Variants in MED14 observed in about 807,000 individuals in gnomAD.
The protein encoded by MED14 is mediator complex subunit 14, also known as mediator of RNA polymerase II transcription subunit 14.
In MED14, 8 loss-of-function variants were observed where a neutral mutation model predicts 109.0. The observed-to-expected ratio is 0.07, with a 90% CI of 0.04 to 0.13. The LOEUF (loss-of-function observed/expected upper bound fraction) is 0.13. Ranked by LOEUF, MED14 falls within the 10% of genes least tolerant of loss-of-function variation. MED14 has a pLI of 1.00. For missense variants in MED14, 711 were observed against 1,142.4 expected, an observed-to-expected ratio of 0.62 and a Z score of 5.44; for synonymous variants, 399 against 408.7, an observed-to-expected ratio of 0.98 and a Z score of 0.29.
rs145361082 is a variant in MED14, at chrX:40,689,029, C to A, written c.1981-499G>T. Among the ~76,000 whole-genome samples, 310 of 112,290 alleles carry A rather than the reference C, an allele frequency of 2.8e-3. 1 individual carries two copies. The highest frequency in any genetic ancestry group is 9.7e-3 in the African/African-American group (299 of 30,954). ...AAAAGATTTCCAATTTGTGCATTTA[C>A]CCAATGACATCTCTTTCCCAATTAA... is the stretch of plus-strand genomic sequence containing the variant. On this transcript the variant is annotated intron_variant, in intron 15 of 30. Transcript: ENST00000324817.
intron 3 of MED14, among the ~76,000 whole-genome samples, chrX:40,725,555 T>C (rs1290000576): frequency 8.9e-6 from 1 of 112,178 alleles, no homozygotes; most frequent in African/African-American, 3.2e-5. Context: ...TGATACATCA[T>C]ATCTATAGAA....
chrX:40,714,701 T>C lies in MED14; in HGVS notation c.358A>G (p.Ser120Gly), dbSNP rs1186628057. 3 of 1,207,702 alleles carry C rather than the reference T, an allele frequency of 2.5e-6. No individual in the cohort carries two copies. The highest frequency in any genetic ancestry group is 3.4e-6 in the Non-Finnish European group (3 of 893,864). ...AGGATGGCTTGCTGATCTAAAAAGC[T>C]TGAAATCATCTTTAAAGTAAAGGGT... ...GKVEKCAMIS[S>G]FLDQQAILFV... The change falls in exon 4 of 31, where the codon AGC becomes GGC. Residue 120 changes from serine to glycine, a missense_variant. Physicochemically the swap from Ser to Gly is moderately conservative, Grantham distance 56 (BLOSUM62 0). This residue lies in a region of MED14 where 31 missense variants were observed against 79.3 expected (regional missense o/e 0.39). Coordinates refer to ENST00000324817, the MANE Select transcript of MED14 (RefSeq NM_004229.4).
chrX:40,687,618 A>G (rs978593166), intron 16 of MED14, among the ~76,000 whole-genome samples: 16 of 111,340 alleles, frequency 1.4e-4, no homozygotes, highest in African/African-American at 5.2e-4. Context: ...AACTCCTTTC[A>G]GCACAAAAAT....
At chrX:40,654,213 G>C (rs1928977142) in intron 30 of MED14, 151 bp downstream of exon 30, 2 of 456,788 alleles carry the variant, frequency 4.4e-6, no homozygotes, top group Non-Finnish European at 3.6e-6. Flanking sequence ...GCGACAGGCA[G>C]ACATTAAGAG....
At chrX:40,734,987 A>C (rs1192194702) in intron 1 of MED14, among the ~76,000 whole-genome samples, 1 of 111,850 alleles carries the variant, frequency 8.9e-6, no homozygotes, top group Non-Finnish European at 1.9e-5. Flanking sequence ...CAACACGCAA[A>C]ATTAACAAGT....
intron 13 of MED14, among the ~76,000 whole-genome samples, chrX:40,694,297 C>T (rs776814192): frequency 8.9e-6 from 1 of 111,892 alleles, no homozygotes; most frequent in African/African-American, 3.2e-5. Context: ...GCTTTGATTC[C>T]AGAAGTTTGG....
chrX:40,733,387 G>A (rs772434952), intron 1 of MED14, among the ~76,000 whole-genome samples: 5 of 111,856 alleles, frequency 4.5e-5, no homozygotes, highest in Non-Finnish European at 9.4e-5. Flanking sequence ...ACAGGTATAA[G>A]CCACCACACC....
chrX:40,700,393 TTC>T (rs1930888900), intron 12 of MED14, among the ~76,000 whole-genome samples: 1 of 57,151 alleles, frequency 1.7e-5, no homozygotes, highest in African/African-American at 6.0e-5. Flanking sequence ...AAAAAAAAAA[TTC>T]ATGCCCTGCT....
chrX:40,677,094 G>A (rs1200106845), intron 21 of MED14, among the ~76,000 whole-genome samples: 1 of 111,964 alleles, frequency 8.9e-6, no homozygotes, highest in Non-Finnish European at 1.9e-5. Flanking sequence ...CATGGAGGAG[G>A]ATCTCTGACT....
intron 12 of MED14, among the ~76,000 whole-genome samples, chrX:40,700,812 G>A (rs766661405): frequency 2.7e-5 from 3 of 111,975 alleles, no homozygotes; most frequent in Non-Finnish European, 5.6e-5. Flanking sequence ...CAACCATGAC[G>A]ATTACCCTGG....
At chrX:40,693,283 T>C (rs1254913590) in intron 13 of MED14, among the ~76,000 whole-genome samples, 3 of 111,999 alleles carry the variant, frequency 2.7e-5, no homozygotes, top group East Asian at 2.8e-4. Flanking sequence ...AAATCTCATC[T>C]TGTAGCTCCC....
Position 40,712,201 on chromosome X carries a change from T to C in MED14, c.874A>G (p.Met292Val). The C allele has an allele frequency of 8.4e-7, 1 of 1,197,557 alleles. No homozygotes were observed. Among genetic ancestry groups the C allele is most frequent in the Non-Finnish European group, 1.1e-6 (1 of 886,957 alleles). Residue 292 changes from methionine to valine, a missense_variant, in exon 7 of 31, where the codon ATG (methionine) becomes GTG (valine). Met to Val is a conservative substitution (Grantham distance 21). Around this residue, in one of 8 missense-constraint regions of MED14, gnomAD observed 388 missense variants for 517.3 expected, o/e 0.75. Coordinates refer to ENST00000324817, the MANE Select transcript of MED14 (RefSeq NM_004229.4). ...AGAAGGATACGTAGGCAGTTGTACATATCCTGAAGAGGTTTCTCATCAGCA... is the reference window on the plus strand; with the variant it reads ...AGAAGGATACGTAGGCAGTTGTACACATCCTGAAGAGGTTTCTCATCAGCA... ...LFADEKPLQD[M>V]YNCLHSFCLS...
chrX:40,670,303 A>T (rs990675767), intron 23 of MED14, among the ~76,000 whole-genome samples: 1 of 112,065 alleles, frequency 8.9e-6, no homozygotes, highest in African/African-American at 3.3e-5. Flanking sequence ...TTCTCACAAC[A>T]TCTCTATGGA....
chrX:40,692,779 T>G lies in MED14; in HGVS notation c.1774A>C (p.Lys592Gln). ...AAAACCAAGTCCTGAATGTTTTCCT[T>G]GAACTGCTGCAGCAGCAATGCCATT... The part of the protein sequence containing the change: ...PAMALLLQQF[K>Q]ENIQDLVFRT... Residue 592 changes from lysine to glutamine, a missense_variant, in exon 14 of 31, where the codon AAG (lysine) becomes CAG (glutamine). By Grantham distance (53) the Lys-to-Gln change is moderately conservative. Coordinates refer to ENST00000324817, the MANE Select transcript of MED14 (RefSeq NM_004229.4). 1 of 1,210,333 alleles carries G rather than the reference T, an allele frequency of 8.3e-7. No homozygotes were observed. Among genetic ancestry groups the G allele is most frequent in the Admixed American group, 2.2e-5 (1 of 45,546 alleles).
At position 40,651,529 on chromosome X, in the gene MED14, A is replaced by T; in HGVS notation, c.*277T>A. 1 of 842,630 alleles carries T rather than the reference A, an allele frequency of 1.2e-6. No individual in the cohort carries two copies. Among genetic ancestry groups the T allele is most frequent in the Non-Finnish European group, 1.4e-6 (1 of 689,944 alleles). 69.4% of individuals were successfully genotyped at this position (842,630 alleles called of 1,213,427 possible). A position where few individuals can be genotyped will look rare whatever the true frequency, so the allele number is the denominator to read the frequency against. On this transcript the variant is annotated 3_prime_UTR_variant, in exon 31 of 31. Coordinates refer to ENST00000324817, the MANE Select transcript of MED14 (RefSeq NM_004229.4). Reference sequence around the variant, plus strand: ...AAGTTTGGCATTTTCATAACTTTATAGTATAAAACAGAATATTAAATTTAT... The same window carrying T: ...AAGTTTGGCATTTTCATAACTTTATTGTATAAAACAGAATATTAAATTTAT...
Position 40,731,963 on chromosome X carries a change from C to T in MED14, c.216-2618G>A, listed in dbSNP as rs140867538. Among the ~76,000 whole-genome samples, 4 of 112,669 alleles carry T rather than the reference C, an allele frequency of 3.6e-5. No individual in the cohort carries two copies. In the East Asian group the frequency reaches 1.1e-3, roughly 31 times the overall value. ...GAAAGTCACAAACAAATCAAAATCT[C>T]TGTCCTCATGGGGTGGGAATGGACA... On this transcript the variant is annotated intron_variant, in intron 1 of 30. Coordinates refer to ENST00000324817, the MANE Select transcript of MED14 (RefSeq NM_004229.4).
At chrX:40,695,176 T>C (rs952103847) in intron 13 of MED14, among the ~76,000 whole-genome samples, 2 of 111,680 alleles carry the variant, frequency 1.8e-5, no homozygotes, top group Non-Finnish European at 3.8e-5. Flanking sequence ...TTATAAGGGG[T>C]ATTATGTGGC....
intron 3 of MED14, among the ~76,000 whole-genome samples, chrX:40,717,897 A>G (rs914401812): frequency 2.7e-5 from 3 of 112,266 alleles, no homozygotes; most frequent in African/African-American, 9.7e-5. Flanking sequence ...TCAGTGGCCA[A>G]CTTAAAACAT....
At chrX:40,676,438 G>A (rs1249381036) in intron 21 of MED14, among the ~76,000 whole-genome samples, 1 of 112,088 alleles carries the variant, frequency 8.9e-6, no homozygotes, top group Non-Finnish European at 1.9e-5. Flanking sequence ...CAATACATCC[G>A]GGAGGCTGCA....
Sources: allele counts gnomAD v4.1 joint callset (sites outside exome capture counted in the v4.1 genomes callset), GRCh38; gene constraint gnomAD v4.1.1; regional missense constraint gnomAD v4.1.1; transcripts MANE v1.5; gene names NCBI Gene and HGNC (gene_info 2026-07-23, HGNC 2026-07-21).